The following TNIK variants were observed in gnomAD, a reference collection of about 807,000 sequenced individuals.
TNIK encodes TRAF2 and NCK-interacting protein kinase.
A neutral mutation model predicts 191.3 loss-of-function variants in TNIK; 49 were observed. The ratio of observed to expected loss-of-function variants is 0.26; its 90% CI spans 0.20 to 0.32. The LOEUF is 0.32. TNIK is among the 10% of genes least tolerant of loss of function. The probability of loss-of-function intolerance (pLI) is 1.00; values close to 1 mark genes in which losing one functional copy is unlikely to be tolerated. For synonymous variants in TNIK, 594 were observed against 600.9 expected (o/e 0.99, Z 0.17); for missense variants, 1,155 against 1,702.3 (o/e 0.68, Z 5.66).
intron 2 of TNIK, among the ~76,000 whole-genome samples, chr3:171,331,965 G>T (rs534620243): frequency 6.6e-6 from 1 of 152,024 alleles, no homozygotes; most frequent in African/African-American, 2.4e-5. Context: ...ATCTGGATAG[G>T]TAACTGCAAC....
In TNIK at chr3:171,362,649, T is replaced by C. The variant is rs79421252; in HGVS notation, c.123+6971A>G. 4.0e-3 allele frequency among the ~76,000 whole-genome samples: 602 copies of C among 152,320 alleles called. 4 individuals carry two copies. The highest frequency in any genetic ancestry group is 0.013 in the African/African-American group (537 of 41,574). On this transcript the variant is annotated intron_variant, in intron 2 of 32. Coordinates refer to ENST00000436636, the MANE Select transcript of TNIK (RefSeq NM_015028.4). ...GCCTACTATGTGTCAGGCACTGAGC[T>C]GAATGCTTCCACATATTAATGTTTT...
At chr3:171,409,742 C>T (rs572294011) in intron 1 of TNIK, among the ~76,000 whole-genome samples, 1 of 148,986 alleles carries the variant, frequency 6.7e-6, no homozygotes, top group South Asian at 2.2e-4. Context: ...GAATCCTGTG[C>T]ATCTAATCAT....
chr3:171,075,899 G>C (rs1266721584), intron 28 of TNIK, among the ~76,000 whole-genome samples: 2 of 152,016 alleles, frequency 1.3e-5, no homozygotes, highest in East Asian at 3.9e-4. Flanking sequence ...ACCATGCCTG[G>C]CTAATTTTTT....
chr3:171,201,582 AAACT>A (rs1328014715), intron 4 of TNIK, among the ~76,000 whole-genome samples: 1 of 152,216 alleles, frequency 6.6e-6, no homozygotes, highest in Non-Finnish European at 1.5e-5. Context: ...AACAAAGTCC[AAACT>A]CAGTAACTTT....
intron 3 of TNIK, among the ~76,000 whole-genome samples, chr3:171,221,102 A>G (rs1164537029): frequency 6.6e-6 from 1 of 152,226 alleles, no homozygotes; most frequent in African/African-American, 2.4e-5. Context: ...TACATGCTGT[A>G]TAGCATACAG....
intron 2 of TNIK, among the ~76,000 whole-genome samples, chr3:171,292,800 C>T (rs1408508063): frequency 8.6e-6 from 1 of 116,374 alleles, no homozygotes; most frequent in Non-Finnish European, 1.9e-5. Context: ...AAAAAAGAAT[C>T]AGCCAGAGAC....
At chr3:171,395,035 A>C (rs1310386262) in intron 1 of TNIK, among the ~76,000 whole-genome samples, 1 of 152,196 alleles carries the variant, frequency 6.6e-6, no homozygotes, top group African/African-American at 2.4e-5. Flanking sequence ...ACTAAACAAT[A>C]TACGGCTTGA....
At chr3:171,363,676 A>G (rs1715303331) in intron 2 of TNIK, among the ~76,000 whole-genome samples, 1 of 152,228 alleles carries the variant, frequency 6.6e-6, no homozygotes, top group South Asian at 2.1e-4. Flanking sequence ...AACTATTAAT[A>G]AACTTGCTAT....
chr3:171,340,262 T>G (rs894212377), intron 2 of TNIK, among the ~76,000 whole-genome samples: 1 of 152,240 alleles, frequency 6.6e-6, no homozygotes, highest in Non-Finnish European at 1.5e-5. Context: ...CATTTTCATT[T>G]TTCTACATAT....
At chr3:171,157,967 C>T (rs904461734) in intron 11 of TNIK, among the ~76,000 whole-genome samples, 6 of 152,172 alleles carry the variant, frequency 3.9e-5, no homozygotes, top group Admixed American at 6.5e-5. Context: ...ATCCTTGGGA[C>T]GTGGCAAAGA....
intron 27 of TNIK, among the ~76,000 whole-genome samples, chr3:171,080,484 C>T (rs1208152241): frequency 2.0e-5 from 3 of 151,710 alleles, no homozygotes; most frequent in East Asian, 1.9e-4. Context: ...TCGCCAAGGC[C>T]GGAGTCCAGT....
rs79097342 is a variant in TNIK, at chr3:171,110,358, C to T, written c.2284+356G>A. 8.5e-4 allele frequency among the ~76,000 whole-genome samples: 129 copies of T among 152,246 alleles called. No homozygotes were observed. The East Asian group carries it at 0.018, about 21-fold the overall frequency. Reference sequence around the variant, plus strand: ...ACTAAACAGGACAATTGGTGCAATGCGTTCAGGACATTTGTGGGTACATGA... The same window carrying T: ...ACTAAACAGGACAATTGGTGCAATGTGTTCAGGACATTTGTGGGTACATGA... On this transcript the variant is annotated intron_variant, in intron 19 of 32. Transcript: ENST00000436636.
intron 2 of TNIK, among the ~76,000 whole-genome samples, chr3:171,303,376 T>C (rs1022238246): frequency 6.6e-6 from 1 of 152,226 alleles, no homozygotes. Flanking sequence ...ATCTATGATA[T>C]CTTCATGTCA....
intron 21 of TNIK, chr3:171,106,866 G>A (rs112950852): frequency 7.0e-5 from 36 of 510,934 alleles, no homozygotes; most frequent in African/African-American, 5.2e-4. Context: ...TAGCAAGGCT[G>A]GCAAGTACAG....
chr3:171,396,507 T>C (rs1720273284), intron 1 of TNIK, among the ~76,000 whole-genome samples: 1 of 152,230 alleles, frequency 6.6e-6, no homozygotes, highest in African/African-American at 2.4e-5. Context: ...GGCAATTGTT[T>C]AACCTTTTGA....
chr3:171,071,074 G>T, intron 29 of TNIK, 149 bp downstream of exon 29: 2 of 526,184 alleles, frequency 3.8e-6, no homozygotes, highest in Non-Finnish European at 3.1e-6. Flanking sequence ...CTTTACTTTT[G>T]AAACAATAAA....
At chr3:171,176,691 G>A (rs530821027) in intron 8 of TNIK, among the ~76,000 whole-genome samples, 1 of 152,342 alleles carries the variant, frequency 6.6e-6, no homozygotes, top group African/African-American at 2.4e-5. Flanking sequence ...GGCGGGGAGT[G>A]GCCCTTGAAA....
At chr3:171,255,707 C>G (rs1011620779) in intron 2 of TNIK, among the ~76,000 whole-genome samples, 3 of 152,174 alleles carry the variant, frequency 2.0e-5, no homozygotes, top group African/African-American at 7.2e-5. Flanking sequence ...AAGAACAAAG[C>G]TCATTTTGTT....
chr3:171,333,680 A>G (rs1002813610), intron 2 of TNIK, among the ~76,000 whole-genome samples: 2 of 151,854 alleles, frequency 1.3e-5, no homozygotes, highest in African/African-American at 4.8e-5. Context: ...GGCTGAGCAA[A>G]CTGGCCATTT....
Sources: allele counts gnomAD v4.1 joint callset (sites outside exome capture counted in the v4.1 genomes callset), GRCh38; gene constraint gnomAD v4.1.1; transcripts MANE v1.5; gene names NCBI Gene and HGNC (gene_info 2026-07-23, HGNC 2026-07-21).